Variants in PHACTR1 observed in about 807,000 individuals in gnomAD.
PHACTR1 encodes RPEL repeat containing 1.
PHACTR1 carries 16 observed loss-of-function variants against 69.2 expected under a neutral mutation model. That is an observed-to-expected ratio of 0.23 (90% confidence interval 0.16 to 0.35). The LOEUF (loss-of-function observed/expected upper bound fraction) is 0.35, where lower values mean the gene tolerates loss of function less well. PHACTR1 is among the 10% of genes least tolerant of loss of function. The pLI, the probability that PHACTR1 is intolerant of heterozygous loss-of-function variation, is 1.00. For synonymous variants in PHACTR1, 312 were observed against 284.5 expected (o/e 1.10, Z -0.97); for missense variants, 510 against 734.7 (o/e 0.69, Z 3.54).
At chr6:12,761,117 T>C (rs1331251060) in intron 4 of PHACTR1, among the ~76,000 whole-genome samples, 1 of 152,176 alleles carries the variant, frequency 6.6e-6, no homozygotes, top group Admixed American at 6.5e-5. Context: ...AACGTGTGGA[T>C]AACACTTTCT....
At chr6:13,182,012 T>G (rs1310948668) in intron 6 of PHACTR1, among the ~76,000 whole-genome samples, 2 of 152,234 alleles carry the variant, frequency 1.3e-5, no homozygotes, top group African/African-American at 4.8e-5. Context: ...GGTGGGCGGA[T>G]CACCTGAGGT....
At chr6:13,110,637 A>T (rs1294493620) in intron 5 of PHACTR1, among the ~76,000 whole-genome samples, 1 of 152,154 alleles carries the variant, frequency 6.6e-6, no homozygotes, top group East Asian at 1.9e-4. Context: ...ACTCAGTAGG[A>T]CTGCTAAGCT....
chr6:13,021,800 C>T (rs188671976), intron 4 of PHACTR1, among the ~76,000 whole-genome samples: 73 of 152,302 alleles, frequency 4.8e-4, no homozygotes, highest in Non-Finnish European at 7.5e-4. Flanking sequence ...ACTCAGTCCA[C>T]TTAAGAAAAC....
At chr6:12,865,573 C>A (rs1220116774) in intron 4 of PHACTR1, among the ~76,000 whole-genome samples, 1 of 152,114 alleles carries the variant, frequency 6.6e-6, no homozygotes, top group Non-Finnish European at 1.5e-5. Context: ...CCTTTGTACA[C>A]TATTCCTATA....
At chr6:12,921,833 G>GGGAGAGAGAGAGGGAGGGAGGGAGGGAC (rs1787750462) in intron 4 of PHACTR1, among the ~76,000 whole-genome samples, 1 of 46,904 alleles carries the variant, frequency 2.1e-5, no homozygotes, top group South Asian at 1.6e-3. Flanking sequence ...AAGGAAGGAA[G>GGGAGAGAGAGAGGGAGGGAGGGAGGGAC]GGAGGGAGAG....
intron 4 of PHACTR1, among the ~76,000 whole-genome samples, chr6:12,846,044 G>A (rs974661323): frequency 6.6e-6 from 1 of 151,540 alleles, no homozygotes; most frequent in South Asian, 2.1e-4. Flanking sequence ...AACTGATAAC[G>A]ATACTGAAGC....
At position 13,228,019 on chromosome 6, in the gene PHACTR1, A is replaced by G. The variant is rs766157198; in HGVS notation, c.1190A>G (p.Glu397Gly). ...TCTTGCCTGTATACAAGAGAAGAGG[A>G]GGAAGAGGAGGAGGACGAAGACGAC... ...DSSCLYTREE[E>G]EEEEDEDDDS... The change falls in exon 9 of 15, where the codon GAG becomes GGG. Residue 397 changes from glutamate (E) to glycine (G), a missense_variant. Glu to Gly is a moderately conservative substitution (Grantham distance 98). Coordinates refer to ENST00000332995, the MANE Select transcript of PHACTR1 (RefSeq NM_030948.6). 4 of 1,613,770 alleles carry G rather than the reference A, an allele frequency of 2.5e-6. No homozygotes were observed. The highest frequency in any genetic ancestry group is 1.7e-6 in the Non-Finnish European group (2 of 1,179,836).
At chr6:13,176,641 T>G (rs1761355759) in intron 6 of PHACTR1, among the ~76,000 whole-genome samples, 1 of 152,192 alleles carries the variant, frequency 6.6e-6, no homozygotes, top group African/African-American at 2.4e-5. Flanking sequence ...CCATCTGGCT[T>G]CCCTCTTGAA....
intron 3 of PHACTR1, among the ~76,000 whole-genome samples, chr6:12,739,480 G>T (rs919808118): frequency 6.6e-6 from 1 of 151,792 alleles, no homozygotes; most frequent in Non-Finnish European, 1.5e-5. Flanking sequence ...TCTTAAATGC[G>T]GTAATTCTCA....
intron 4 of PHACTR1, among the ~76,000 whole-genome samples, chr6:12,867,195 G>T (rs893468689): frequency 1.3e-4 from 20 of 152,140 alleles, no homozygotes; most frequent in African/African-American, 4.8e-4. Context: ...TCAGTTCAGA[G>T]GTCAAGACCA....
intron 4 of PHACTR1, among the ~76,000 whole-genome samples, chr6:12,793,924 A>T (rs548246462): frequency 6.6e-6 from 1 of 152,338 alleles, no homozygotes; most frequent in East Asian, 1.9e-4. Flanking sequence ...ATTTAATCCA[A>T]AAAGCATTTA....
chr6:13,234,389 G>C (rs1425089938), intron 10 of PHACTR1, among the ~76,000 whole-genome samples: 1 of 152,210 alleles, frequency 6.6e-6, no homozygotes, highest in Non-Finnish European at 1.5e-5. Flanking sequence ...AAGCTACAAG[G>C]CTGCAGCATT....
At chr6:12,817,014 C>T (rs1300011691) in intron 4 of PHACTR1, among the ~76,000 whole-genome samples, 1 of 152,058 alleles carries the variant, frequency 6.6e-6, no homozygotes, top group Non-Finnish European at 1.5e-5. Flanking sequence ...CATGTGTGTG[C>T]CTGCCTCTGT....
chr6:13,055,898 A>C (rs1277189767), intron 5 of PHACTR1, among the ~76,000 whole-genome samples: 1 of 152,260 alleles, frequency 6.6e-6, no homozygotes, highest in Non-Finnish European at 1.5e-5. Context: ...TGCTAACCTT[A>C]AATCATTCTT....
chr6:12,857,402 G>A (rs866569526), intron 4 of PHACTR1, among the ~76,000 whole-genome samples: 6 of 152,152 alleles, frequency 3.9e-5, no homozygotes, highest in Admixed American at 1.3e-4. Context: ...ACGAGGTCAA[G>A]AGATGGAGAC....
chr6:12,873,564 T>C (rs1782268928), intron 4 of PHACTR1, among the ~76,000 whole-genome samples: 1 of 152,160 alleles, frequency 6.6e-6, no homozygotes, highest in African/African-American at 2.4e-5. Flanking sequence ...GTATACGTTT[T>C]ACATCAGGTG....
At chr6:13,201,048 C>T (rs1222087641) in intron 7 of PHACTR1, among the ~76,000 whole-genome samples, 1 of 152,134 alleles carries the variant, frequency 6.6e-6, no homozygotes, top group East Asian at 1.9e-4. Flanking sequence ...GATTCTGATG[C>T]ACCCCCAGTC....
intron 5 of PHACTR1, among the ~76,000 whole-genome samples, chr6:13,063,699 G>A (rs554500754): frequency 4.7e-4 from 71 of 152,072 alleles, no homozygotes; most frequent in African/African-American, 1.7e-3. Flanking sequence ...AGGATCACAT[G>A]AGCCCAGGAG....
At chr6:12,872,005 G>GT (rs1463862244) in intron 4 of PHACTR1, among the ~76,000 whole-genome samples, 5 of 151,784 alleles carry the variant, frequency 3.3e-5, no homozygotes, top group Admixed American at 6.6e-5. Flanking sequence ...TGACCAATGA[G>GT]TTTTTTTACC....
Sources: allele counts gnomAD v4.1 joint callset (sites outside exome capture counted in the v4.1 genomes callset), GRCh38; gene constraint gnomAD v4.1.1; transcripts MANE v1.5; gene names NCBI Gene and HGNC (gene_info 2026-07-23, HGNC 2026-07-21).